PDE4B: variants seen among roughly 807,000 people sequenced by gnomAD.
PDE4B encodes the protein phosphodiesterase 4B.
PDE4B carries 20 observed loss-of-function variants against 82.2 expected under a neutral mutation model. The ratio of observed to expected loss-of-function variants is 0.24; its 90% CI spans 0.17 to 0.35. The LOEUF is 0.35. Ranked by LOEUF, PDE4B falls within the 10% of genes least tolerant of loss-of-function variation. The pLI is 1.00. For synonymous variants in PDE4B, 320 were observed against 318.9 expected, an observed-to-expected ratio of 1.00 and a Z score of -0.04; for missense variants, 655 against 907.2, an observed-to-expected ratio of 0.72 and a Z score of 3.57.
At chr1:65,959,407 A>T (rs1363626124) in intron 3 of PDE4B, among the ~76,000 whole-genome samples, 1 of 152,154 alleles carries the variant, frequency 6.6e-6, no homozygotes, top group East Asian at 1.9e-4. Flanking sequence ...CTATTTTGAC[A>T]TAAAGGATAA....
At chr1:65,869,030 T>C (rs1396231324) in intron 1 of PDE4B, among the ~76,000 whole-genome samples, 3 of 152,164 alleles carry the variant, frequency 2.0e-5, no homozygotes, top group Non-Finnish European at 2.9e-5. Flanking sequence ...TCTGGGTCAG[T>C]GACAGGGAGT....
chr1:65,844,441 G>T (rs900734588), intron 1 of PDE4B, among the ~76,000 whole-genome samples: 1 of 152,070 alleles, frequency 6.6e-6, no homozygotes, highest in African/African-American at 2.4e-5. Flanking sequence ...CTGGACTCTC[G>T]CAGACCGTTG....
At chr1:65,808,298 A>G (rs1432157082) in intron 1 of PDE4B, among the ~76,000 whole-genome samples, 2 of 151,914 alleles carry the variant, frequency 1.3e-5, no homozygotes, top group African/African-American at 4.8e-5. Context: ...CAACCTCCCA[A>G]GTAGCTAGCA....
At chr1:65,893,580 G>C (rs1646876102) in intron 1 of PDE4B, among the ~76,000 whole-genome samples, 1 of 152,054 alleles carries the variant, frequency 6.6e-6, no homozygotes, top group Non-Finnish European at 1.5e-5. Context: ...ATGGAAGACA[G>C]TATGGAGATT....
chr1:66,284,229 T>G (rs1656504179), intron 7 of PDE4B, among the ~76,000 whole-genome samples: 2 of 152,200 alleles, frequency 1.3e-5, no homozygotes, highest in Non-Finnish European at 2.9e-5. Flanking sequence ...AGGAAATTTA[T>G]AAATTGGATT....
intron 3 of PDE4B, among the ~76,000 whole-genome samples, chr1:65,979,481 T>C (rs1223368198): frequency 1.3e-5 from 2 of 152,218 alleles, no homozygotes; most frequent in East Asian, 3.8e-4. Flanking sequence ...AGAATTGCAA[T>C]ATTTTTCTGC....
chr1:66,052,010 G>GGTC (rs1655053897), intron 3 of PDE4B, among the ~76,000 whole-genome samples: 3 of 151,216 alleles, frequency 2.0e-5, no homozygotes, highest in Admixed American at 6.6e-5. Context: ...TTACCAAGGT[G>GGTC]GTGGGGCCTG....
chr1:66,131,631 A>ATATATATG (rs1557583802), intron 3 of PDE4B, among the ~76,000 whole-genome samples: 1 of 119,680 alleles, frequency 8.4e-6, no homozygotes, highest in Non-Finnish European at 1.7e-5. Context: ...ATATATATAT[A>ATATATATG]TATATATTAC....
At chr1:65,924,390 A>C (rs1357577291) in intron 3 of PDE4B, among the ~76,000 whole-genome samples, 1 of 151,344 alleles carries the variant, frequency 6.6e-6, no homozygotes, top group East Asian at 1.9e-4. Flanking sequence ...TTTTTTTTCA[A>C]ACTATGTCTC....
chr1:65,875,237 A>G (rs1466274756), intron 1 of PDE4B, among the ~76,000 whole-genome samples: 1 of 150,992 alleles, frequency 6.6e-6, no homozygotes, highest in Non-Finnish European at 1.5e-5. Flanking sequence ...AATGCAAATC[A>G]AAACCACTAT....
At chr1:66,345,023 T>C (rs530107348) in intron 8 of PDE4B, among the ~76,000 whole-genome samples, 9 of 152,346 alleles carry the variant, frequency 5.9e-5, no homozygotes, top group African/African-American at 2.2e-4. Flanking sequence ...AAAACATATT[T>C]GAAGCATCCC....
chr1:66,356,191 T>C (rs1312052282), intron 9 of PDE4B, among the ~76,000 whole-genome samples: 2 of 152,224 alleles, frequency 1.3e-5, no homozygotes, highest in East Asian at 3.8e-4. Context: ...ATCTGAAGGA[T>C]TTCATCTTCT....
chr1:65,903,842 C>A (rs1283302984), intron 1 of PDE4B, among the ~76,000 whole-genome samples: 2 of 152,056 alleles, frequency 1.3e-5, no homozygotes, highest in Non-Finnish European at 2.9e-5. Context: ...ACAGACAGGC[C>A]CAAATTGGAT....
At chr1:66,300,589 T>C (rs1050689597) in intron 7 of PDE4B, among the ~76,000 whole-genome samples, 17 of 152,292 alleles carry the variant, frequency 1.1e-4, no homozygotes, top group Non-Finnish European at 2.1e-4. Context: ...CCAGAATTCT[T>C]TCCATTCCCC....
At chr1:66,016,406 G>A (rs538676420) in intron 3 of PDE4B, among the ~76,000 whole-genome samples, 13 of 152,132 alleles carry the variant, frequency 8.5e-5, no homozygotes, top group African/African-American at 2.7e-4. Context: ...TTTCTGCTAC[G>A]GCACATACTT....
chr1:66,016,650 C>G (rs908397997), intron 3 of PDE4B, among the ~76,000 whole-genome samples: 1 of 152,104 alleles, frequency 6.6e-6, no homozygotes, highest in Non-Finnish European at 1.5e-5. Context: ...AAGGAAATGT[C>G]TTAGCTAAGA....
intron 3 of PDE4B, among the ~76,000 whole-genome samples, chr1:66,020,066 C>T (rs1653003184): frequency 6.6e-6 from 1 of 152,192 alleles, no homozygotes; most frequent in Admixed American, 6.5e-5. Flanking sequence ...TATATTGATA[C>T]ATATAGGCAC....
intron 1 of PDE4B, among the ~76,000 whole-genome samples, chr1:65,883,802 A>T (rs1646737921): frequency 6.6e-6 from 1 of 152,144 alleles, no homozygotes; most frequent in African/African-American, 2.4e-5. Flanking sequence ...TTTGTCATAA[A>T]TATCTCTTAT....
At chr1:65,932,515 G>A (rs1647894415) in intron 3 of PDE4B, among the ~76,000 whole-genome samples, 2 of 151,854 alleles carry the variant, frequency 1.3e-5, no homozygotes, top group African/African-American at 2.4e-5. Context: ...GATTGGGAGA[G>A]GTCACTGTTT....
Sources: allele counts gnomAD v4.1 joint callset (sites outside exome capture counted in the v4.1 genomes callset), GRCh38; gene constraint gnomAD v4.1.1; transcripts MANE v1.5; gene names NCBI Gene and HGNC (gene_info 2026-07-23, HGNC 2026-07-21).